Variants in CD96 observed in about 807,000 individuals in gnomAD.
CD96 encodes the protein T-cell surface protein tactile.
CD96 carries 70 observed loss-of-function variants against 71.3 expected under a neutral mutation model. That is an observed-to-expected ratio of 0.98 (90% CI 0.81 to 1.20). CD96 has a LOEUF of 1.20. Among genes scored for constraint, CD96 ranks in the 50% most tolerant of loss-of-function variants. The pLI is 0.00. For missense variants in CD96, 742 were observed against 677.5 expected (o/e 1.10, Z -1.06); for synonymous variants, 248 against 233.0 (o/e 1.06, Z -0.59).
At chr3:111,594,673 G>C (rs1055697485) in intron 5 of CD96, 1 of 167,982 alleles carries the variant, frequency 6.0e-6, no homozygotes, top group Non-Finnish European at 1.5e-5. Flanking sequence ...TTGCATTTTG[G>C]AGGCAGGAGA....
At chr3:111,648,729 A>G (rs1469643439) in intron 13 of CD96, among the ~76,000 whole-genome samples, 1 of 152,102 alleles carries the variant, frequency 6.6e-6, no homozygotes, top group East Asian at 1.9e-4. Context: ...ATGAGAATCA[A>G]TCTCTCTATC....
chr3:111,592,767 T>C (rs549850084), intron 5 of CD96: 1 of 152,358 alleles, frequency 6.6e-6, no homozygotes, highest in Admixed American at 6.5e-5. Flanking sequence ...TAACTATTTA[T>C]GAATAAGTTT....
chr3:111,579,260 A>G (rs375494450), intron 4 of CD96, 26 bp downstream of exon 4: 46 of 1,216,918 alleles, frequency 3.8e-5, no homozygotes, highest in Middle Eastern at 1.9e-4. Flanking sequence ...CTACAGACTC[A>G]CTGGCATCCT....
At chr3:111,590,429 T>C (rs528980928) in intron 5 of CD96, among the ~76,000 whole-genome samples, 68 of 152,340 alleles carry the variant, frequency 4.5e-4, no homozygotes, top group African/African-American at 1.4e-3. Flanking sequence ...GCCCGCAGTG[T>C]GGAAATACTC....
chr3:111,608,391 A>T (rs1020027555), intron 8 of CD96, among the ~76,000 whole-genome samples: 1 of 152,204 alleles, frequency 6.6e-6, no homozygotes, highest in Non-Finnish European at 1.5e-5. Flanking sequence ...ACTCAAGGGG[A>T]TGAGAATTAG....
chr3:111,543,078 AG>A lies in CD96; in HGVS notation c.61+771del, dbSNP rs1226046470. Among the ~76,000 whole-genome samples, 16 of 152,352 alleles carry A rather than the reference AG, an allele frequency of 1.1e-4. 1 individual carries two copies. The highest frequency in any genetic ancestry group is 3.4e-3 in the Middle Eastern group (1 of 294). On this transcript the variant is annotated intron_variant, in intron 1 of 13. Coordinates refer to ENST00000352690, the MANE Select transcript of CD96 (RefSeq NM_005816.5). ...TATTTTCAGGCAAAGGATAGCTCAC[AG>A]GAAGTTACATTAAACTGTACTAACC... is the stretch of plus-strand genomic sequence containing the variant.
At chr3:111,587,527 G>A (rs1936772151) in intron 5 of CD96, among the ~76,000 whole-genome samples, 2 of 152,300 alleles carry the variant, frequency 1.3e-5, no homozygotes, top group South Asian at 4.1e-4. Context: ...CTACCATTCT[G>A]GGATCTGAAG....
intron 10 of CD96, among the ~76,000 whole-genome samples, chr3:111,633,145 A>G (rs115393804): frequency 0.017 from 2,566 of 152,256 alleles, 45 homozygotes; most frequent in Middle Eastern, 0.031. Context: ...TTTTAGGATT[A>G]TTAATTGGCC....
At position 111,613,956 on chromosome 3, in the gene CD96, A is replaced by G. The variant is rs141178272; in HGVS notation, c.1180+7164A>G. On this transcript the variant is annotated intron_variant, in intron 8 of 13. Transcript: ENST00000352690. ...GCAAAGAATAATTTTTACTTTTTCC[A>G]TTCTTCTCTGTTCAAATGAGATATA... is the stretch of plus-strand genomic sequence containing the variant. Among the ~76,000 whole-genome samples the G allele has an allele frequency of 4.9e-3, 751 of 152,314 alleles. 5 individuals are homozygous for G. Among genetic ancestry groups the G allele is most frequent in the African/African-American group, 0.017 (710 of 41,576 alleles).
In CD96 at chr3:111,624,397, CA is replaced by C. The variant is rs1298977812; in HGVS notation, c.1320del (p.Lys440AsnfsTer68). ...CCTGGACCTCCAGTGGGACAGATAC[CA>C]AAAAATGTTAAGTATAATCGTGGGT... ...YPWTSSGTDT[K>X]KSVSRIPSET... On this transcript the variant is annotated frameshift_variant, in exon 10 of 14. Transcript: ENST00000352690. LOFTEE classifies it high-confidence loss of function. 2.5e-6 allele frequency: 4 copies of C among 1,599,264 alleles called. No homozygotes were observed. Among genetic ancestry groups the C allele is most frequent in the Non-Finnish European group, 3.4e-6 (4 of 1,166,566 alleles).
At chr3:111,578,946 A>G (rs1936342842) in intron 3 of CD96, 81 bp from the exon 4 acceptor site, 2 of 785,688 alleles carry the variant, frequency 2.5e-6, no homozygotes, top group Non-Finnish European at 4.7e-6. Flanking sequence ...CAAAAAGTAA[A>G]TGAATCAGTG....
chr3:111,560,513 C>A (rs1443123870), intron 2 of CD96, among the ~76,000 whole-genome samples: 2 of 123,284 alleles, frequency 1.6e-5, no homozygotes, highest in African/African-American at 6.3e-5. Context: ...AAATTCTTTT[C>A]TTTAAGAATG....
At chr3:111,566,505 T>G (rs1416592092) in intron 2 of CD96, among the ~76,000 whole-genome samples, 1 of 152,142 alleles carries the variant, frequency 6.6e-6, no homozygotes, top group Admixed American at 6.5e-5. Context: ...TATATAACAT[T>G]CATTGGTAAA....
At chr3:111,628,005 C>G (rs762986156) in intron 10 of CD96, among the ~76,000 whole-genome samples, 7 of 151,822 alleles carry the variant, frequency 4.6e-5, no homozygotes, top group African/African-American at 1.7e-4. Context: ...TCAGCAAACT[C>G]AAAGATCAAA....
chr3:111,642,702 G>A (rs1398235491), intron 12 of CD96, among the ~76,000 whole-genome samples: 1 of 152,078 alleles, frequency 6.6e-6, no homozygotes, highest in African/African-American at 2.4e-5. Context: ...AGCTACTTGG[G>A]AGGCTGAGGT....
rs758263219 is a variant in CD96 at position 111,637,182 on chromosome 3, T to A, written c.1322-14T>A. ...CTCATATAGGTTAACTCTTCTGATA[T>A]CTTCTTCCTTTAGCAGTTTCACGGA... is the stretch of plus-strand genomic sequence containing the variant. On this transcript the variant is annotated splice_polypyrimidine_tract_variant and intron_variant, in intron 10 of 13. Coordinates refer to ENST00000352690, the MANE Select transcript of CD96 (RefSeq NM_005816.5). The A allele has an allele frequency of 2.1e-6, 3 of 1,450,548 alleles. No homozygotes were observed. The highest frequency in any genetic ancestry group is 3.3e-5 in the Admixed American group (2 of 59,826). 89.9% of individuals were successfully genotyped at this position (1,450,548 alleles called of 1,614,324 possible). A position where few individuals can be genotyped will look rare whatever the true frequency, so the allele number is the denominator to read the frequency against.
At chr3:111,612,579 G>T (rs1209624190) in intron 8 of CD96, among the ~76,000 whole-genome samples, 1 of 152,172 alleles carries the variant, frequency 6.6e-6, no homozygotes, top group Non-Finnish European at 1.5e-5. Flanking sequence ...CCACTTTACA[G>T]ATGAAGATAC....
intron 8 of CD96, among the ~76,000 whole-genome samples, chr3:111,609,784 G>A (rs1173232239): frequency 2.0e-5 from 3 of 152,148 alleles, no homozygotes; most frequent in East Asian, 1.9e-4. Context: ...AAAGACCTCC[G>A]TAAAACAAGG....
intron 2 of CD96, among the ~76,000 whole-genome samples, chr3:111,562,211 A>G (rs1935481528): frequency 6.6e-6 from 1 of 152,138 alleles, no homozygotes; most frequent in Non-Finnish European, 1.5e-5. Flanking sequence ...AGCTGTTCCT[A>G]TTCGGCCATC....
Sources: gnomAD v4.1 joint callset for allele counts (sites outside exome capture counted in the v4.1 genomes callset) on GRCh38, gnomAD v4.1.1 for gene constraint, MANE v1.5 for transcripts, NCBI Gene and HGNC (gene_info 2026-07-23, HGNC 2026-07-21) for gene names.